UMAD1: variants seen among roughly 807,000 people sequenced by gnomAD.
The protein encoded by UMAD1 is UBAP1-MVB12-associated (UMA) domain containing 1, also known as UBAP1-MVB12-associated (UMA)-domain containing protein 1.
A neutral mutation model predicts 6.1 loss-of-function variants in UMAD1; 8 were observed. The ratio of observed to expected loss-of-function variants is 1.30; its 90% CI spans 0.76 to 2.35. The LOEUF (loss-of-function observed/expected upper bound fraction) is 2.35. Among genes scored for constraint, UMAD1 ranks in the 30% most tolerant of loss-of-function variants. The probability of loss-of-function intolerance (pLI) is 0.00; values close to 1 mark genes in which losing one functional copy is unlikely to be tolerated. For synonymous variants in UMAD1, 56 were observed against 31.4 expected, an observed-to-expected ratio of 1.78 and a Z score of -2.61; for missense variants, 130 against 78.4, an observed-to-expected ratio of 1.66 and a Z score of -2.49.
chr7:7,833,377 G>T (rs1783501158), intron 3 of UMAD1, among the ~76,000 whole-genome samples: 1 of 152,114 alleles, frequency 6.6e-6, no homozygotes, highest in Admixed American at 6.6e-5. Flanking sequence ...AGTATTTCTT[G>T]ATATCGGCAA....
chr7:7,762,974 A>T (rs888906723), intron 2 of UMAD1, among the ~76,000 whole-genome samples: 3 of 152,198 alleles, frequency 2.0e-5, no homozygotes, highest in Non-Finnish European at 4.4e-5. Flanking sequence ...AGAATATCAG[A>T]GTGATATTAA....
intron 2 of UMAD1, among the ~76,000 whole-genome samples, chr7:7,787,493 G>A (rs1782482784): frequency 6.6e-6 from 1 of 152,142 alleles, no homozygotes; most frequent in South Asian, 2.1e-4. Context: ...TTAAAATACA[G>A]CATTGAATAC....
chr7:7,691,745 C>G (rs989291917), intron 2 of UMAD1, among the ~76,000 whole-genome samples: 1 of 152,200 alleles, frequency 6.6e-6, no homozygotes, highest in East Asian at 1.9e-4. Context: ...CTAATTTATT[C>G]TAATCTTTAT....
At chr7:7,699,843 C>G (rs1780413393) in intron 2 of UMAD1, among the ~76,000 whole-genome samples, 2 of 152,236 alleles carry the variant, frequency 1.3e-5, no homozygotes, top group East Asian at 1.9e-4. Context: ...GGTAAGAACT[C>G]TAAACTGAGC....
At chr7:7,851,299 A>G (rs930797549) in intron 3 of UMAD1, among the ~76,000 whole-genome samples, 5 of 152,142 alleles carry the variant, frequency 3.3e-5, no homozygotes, top group Admixed American at 2.0e-4. Flanking sequence ...TTGTTTATCT[A>G]TTCATCAGTC....
intron 2 of UMAD1, among the ~76,000 whole-genome samples, chr7:7,727,085 G>A (rs1196529240): frequency 6.6e-6 from 1 of 152,196 alleles, no homozygotes; most frequent in Admixed American, 6.5e-5. Context: ...GACCTGTTGA[G>A]GTGTGTGCTG....
At chr7:7,656,355 T>C (rs1302231548) in intron 1 of UMAD1, among the ~76,000 whole-genome samples, 1 of 152,116 alleles carries the variant, frequency 6.6e-6, no homozygotes, top group Non-Finnish European at 1.5e-5. Flanking sequence ...CTGGAGTACA[T>C]GTACAGAACG....
chr7:7,708,377 A>G (rs754446203), intron 2 of UMAD1, among the ~76,000 whole-genome samples: 1 of 152,202 alleles, frequency 6.6e-6, no homozygotes, highest in Non-Finnish European at 1.5e-5. Context: ...AGTTTTGTAG[A>G]GAGATATATA....
chr7:7,705,883 G>A (rs1384884791), intron 2 of UMAD1, among the ~76,000 whole-genome samples: 2 of 152,136 alleles, frequency 1.3e-5, no homozygotes, highest in African/African-American at 2.4e-5. Context: ...GGGTGTGCAT[G>A]TGTAGGGGCA....
chr7:7,732,329 G>C (rs971785038), intron 2 of UMAD1, among the ~76,000 whole-genome samples: 1 of 152,004 alleles, frequency 6.6e-6, no homozygotes, highest in East Asian at 1.9e-4. Context: ...GAAGTAGGGA[G>C]AACAGTAAGG....
intron 2 of UMAD1, among the ~76,000 whole-genome samples, chr7:7,749,692 C>A (rs1039710206): frequency 6.6e-6 from 1 of 151,886 alleles, no homozygotes; most frequent in Non-Finnish European, 1.5e-5. Context: ...TTGCTGTGAT[C>A]TAATATGTAG....
intron 3 of UMAD1, among the ~76,000 whole-genome samples, chr7:7,835,040 G>T (rs1295909792): frequency 6.6e-6 from 1 of 152,166 alleles, no homozygotes; most frequent in East Asian, 1.9e-4. Flanking sequence ...CTGCCCCCGT[G>T]ATCTAATCAC....
At chr7:7,641,184 A>C (rs1378874797) in intron 1 of UMAD1, 1 of 152,200 alleles carries the variant, frequency 6.6e-6, no homozygotes, top group Non-Finnish European at 1.5e-5. Context: ...ACCTGTAAGA[A>C]GAGAGATTGA....
At position 7,806,246 on chromosome 7, in the gene UMAD1, T is replaced by TG. The variant is rs201720051; in HGVS notation, c.156+4503_156+4504insG. On this transcript the variant is annotated intron_variant, in intron 3 of 3. Transcript: ENST00000682710. The stretch of plus-strand genomic sequence containing the variant: ...CTTTCTAAAAAAGAACAGCAGGGTT[T>TG]TTTTTTTTTTACTTCCCCCCTCTAA... Among the ~76,000 whole-genome samples the TG allele has an allele frequency of 4.3e-3, 656 of 151,214 alleles. 21 individuals carry two copies. The East Asian group carries it at 0.097, about 22-fold the overall frequency.
chr7:7,708,886 A>C (rs1241067177), intron 2 of UMAD1, among the ~76,000 whole-genome samples: 1 of 151,786 alleles, frequency 6.6e-6, no homozygotes, highest in East Asian at 1.9e-4. Context: ...GTTTTTAAGA[A>C]GTTTTTAACC....
At chr7:7,676,777 G>A (rs138693967) in intron 2 of UMAD1, among the ~76,000 whole-genome samples, 59 of 152,240 alleles carry the variant, frequency 3.9e-4, no homozygotes, top group African/African-American at 1.2e-3. Flanking sequence ...GGTTTAATTA[G>A]TGAAAACATC....
chr7:7,791,581 C>T lies in UMAD1; in HGVS notation c.83-10089C>T, dbSNP rs187644835. ...GAATTGTTTTTAACAAAGTGTTAAA[C>T]GGCTAAATTGATGTTTTGGGGTTCC... On this transcript the variant is annotated intron_variant, in intron 2 of 3. Transcript: ENST00000682710. Among the ~76,000 whole-genome samples, 95 of 152,288 alleles carry T rather than the reference C, an allele frequency of 6.2e-4. 1 individual carries two copies. Among genetic ancestry groups the T allele is most frequent in the Non-Finnish European group, 9.6e-4 (65 of 68,016 alleles).
intron 2 of UMAD1, among the ~76,000 whole-genome samples, chr7:7,716,906 G>A (rs1583769646): frequency 6.6e-6 from 1 of 152,038 alleles, no homozygotes; most frequent in Non-Finnish European, 1.5e-5. Flanking sequence ...GGCACACCTG[G>A]TCTGATCAAT....
In UMAD1 at chr7:7,817,384, C is replaced by T. The variant is rs553194264; in HGVS notation, c.156+15641C>T. ...TGTGTGCAGGAACAGTCAGACTAGA[C>T]AAAAGACAGAAGAACTTGTTATCTA... On this transcript the variant is annotated intron_variant, in intron 3 of 3. Transcript: ENST00000682710. Among the ~76,000 whole-genome samples, 138 of 152,304 alleles carry T rather than the reference C, an allele frequency of 9.1e-4. 1 individual carries two copies. Among genetic ancestry groups the T allele is most frequent in the African/African-American group, 2.9e-3 (121 of 41,558 alleles).
Sources: gnomAD v4.1 joint callset for allele counts (sites outside exome capture counted in the v4.1 genomes callset) on GRCh38, gnomAD v4.1.1 for gene constraint, MANE v1.5 for transcripts, NCBI Gene and HGNC (gene_info 2026-07-23, HGNC 2026-07-21) for gene names.